The following SCAF11 variants were observed in gnomAD, a reference collection of about 807,000 sequenced individuals.
SCAF11 encodes SR-related CTD associated factor 11, also known as protein SCAF11.
SCAF11 carries 47 observed loss-of-function variants against 140.5 expected under a neutral mutation model. The observed-to-expected ratio is 0.33, with a 90% CI of 0.26 to 0.43. SCAF11 has a LOEUF of 0.43. Among genes scored for constraint, SCAF11 ranks in the 20% least tolerant of loss-of-function variants. The pLI, the probability that SCAF11 is intolerant of heterozygous loss-of-function variation, is 1.00. For missense variants in SCAF11, 1,645 were observed against 1,705.1 expected, an observed-to-expected ratio of 0.96 and a Z score of 0.62; for synonymous variants, 557 against 579.4, an observed-to-expected ratio of 0.96 and a Z score of 0.55.
At chr12:45,939,483 G>C (rs1434416940) in intron 6 of SCAF11, among the ~76,000 whole-genome samples, 1 of 152,178 alleles carries the variant, frequency 6.6e-6, no homozygotes, top group Non-Finnish European at 1.5e-5. Flanking sequence ...ATCATCTGAG[G>C]TCAGGAGTTT....
At chr12:45,952,913 C>G (rs535574280) in intron 3 of SCAF11, among the ~76,000 whole-genome samples, 18 of 152,256 alleles carry the variant, frequency 1.2e-4, no homozygotes, top group African/African-American at 4.3e-4. Flanking sequence ...CTGGGTTTTA[C>G]CACGTATCAA....
intron 10 of SCAF11, 115 bp from the exon 11 acceptor site, chr12:45,928,974 T>C: frequency 1.9e-6 from 1 of 522,064 alleles, no homozygotes; most frequent in Non-Finnish European, 3.1e-6. Context: ...TAAATACTTA[T>C]AAATAAAACT....
At chr12:45,970,307 C>T (rs949465458) in intron 1 of SCAF11, among the ~76,000 whole-genome samples, 2 of 152,236 alleles carry the variant, frequency 1.3e-5, no homozygotes, top group Non-Finnish European at 2.9e-5. Flanking sequence ...GCCGGGATTA[C>T]AAGCATGTGC....
intron 10 of SCAF11, 132 bp downstream of exon 10, chr12:45,931,374 T>A (rs1423874782): frequency 4.4e-6 from 2 of 458,898 alleles, no homozygotes; most frequent in Admixed American, 8.7e-5. Flanking sequence ...GTCCAAATAT[T>A]TATAGACGTA....
At chr12:45,972,897 T>TATAGATATATATATAGATATATAG (rs1203114002) in intron 1 of SCAF11, among the ~76,000 whole-genome samples, 1 of 64,844 alleles carries the variant, frequency 1.5e-5, no homozygotes, top group African/African-American at 5.9e-5. Context: ...TATATAGATA[T>TATAGATATATATATAGATATATAG]ATATATATAT....
chr12:45,950,145 T>A (rs1945516244), intron 4 of SCAF11, among the ~76,000 whole-genome samples: 2 of 152,100 alleles, frequency 1.3e-5, no homozygotes, highest in Admixed American at 1.3e-4. Flanking sequence ...AACCATGGAA[T>A]GTGGAAGTCT....
chr12:45,949,668 T>C (rs1272699060), intron 4 of SCAF11, among the ~76,000 whole-genome samples: 4 of 152,076 alleles, frequency 2.6e-5, no homozygotes, highest in African/African-American at 9.7e-5. Flanking sequence ...CTGATCTTGG[T>C]GACTAGGGCT....
At chr12:45,970,240 C>T (rs1296855787) in intron 1 of SCAF11, among the ~76,000 whole-genome samples, 2 of 152,190 alleles carry the variant, frequency 1.3e-5, no homozygotes, top group African/African-American at 4.8e-5. Context: ...CTCTGTTGCC[C>T]AGGCTGGTCT....
intron 1 of SCAF11, among the ~76,000 whole-genome samples, chr12:45,978,700 C>A (rs1946288583): frequency 6.6e-6 from 1 of 152,104 alleles, no homozygotes; most frequent in Non-Finnish European, 1.5e-5. Flanking sequence ...AACAGGAAAA[C>A]TGTCAACTAT....
chr12:45,953,808 A>G, intron 3 of SCAF11: 1 of 671,078 alleles, frequency 1.5e-6, no homozygotes, highest in Non-Finnish European at 2.3e-6. Flanking sequence ...TATTTGTGAA[A>G]ATGAGAAAAA....
chr12:45,956,300 C>G lies in SCAF11; in HGVS notation c.220-4573G>C. The G allele has an allele frequency of 4.8e-6, 3 of 629,428 alleles. No individual in the cohort carries two copies. In the South Asian group the frequency reaches 5.6e-5, roughly 12 times the overall value. 39.0% of individuals were successfully genotyped at this position (629,428 alleles called of 1,614,324 possible). On this transcript the variant is annotated intron_variant, in intron 3 of 14. Transcript: ENST00000369367. Reference sequence around the variant, plus strand: ...TTGTGGGAATCTCGAACATCTATCTCTCTACTAACAAAATAGAGCATGTTA... The same window carrying G: ...TTGTGGGAATCTCGAACATCTATCTGTCTACTAACAAAATAGAGCATGTTA...
chr12:45,932,348 T>A (rs1364868338), intron 9 of SCAF11, among the ~76,000 whole-genome samples: 1 of 147,080 alleles, frequency 6.8e-6, no homozygotes, highest in Non-Finnish European at 1.5e-5. Flanking sequence ...GACTATCTGA[T>A]TCAATATAAG....
In SCAF11 at chr12:45,921,818, C is replaced by G. The variant is rs1944721123; in HGVS notation, c.*230G>C. 2.1e-6 allele frequency: 1 copy of G among 482,494 alleles called. No homozygotes were observed. The highest frequency in any genetic ancestry group is 3.7e-6 in the Non-Finnish European group (1 of 273,260). 29.9% of individuals were successfully genotyped at this position (482,494 alleles called of 1,614,324 possible). On this transcript the variant is annotated 3_prime_UTR_variant, in exon 15 of 15. Transcript: ENST00000369367. ...AGTAAAGATGCACATTCCTTTAAAC[C>G]CTTTACTTTCCCTTGAATTTTGTGG...
chr12:45,921,136 C>G lies in SCAF11; in HGVS notation c.*912G>C, dbSNP rs1944700624. 6.6e-6 allele frequency: 1 copy of G among 152,194 alleles called. No individual in the cohort carries two copies. The highest frequency in any genetic ancestry group is 1.9e-4 in the East Asian group (1 of 5,196). 9.4% of individuals were successfully genotyped at this position (152,194 alleles called of 1,614,324 possible). A position where few individuals can be genotyped will look rare whatever the true frequency, so the allele number is the denominator to read the frequency against. On this transcript the variant is annotated 3_prime_UTR_variant, in exon 15 of 15. Coordinates refer to ENST00000369367, the MANE Select transcript of SCAF11 (RefSeq NM_004719.3). ...TAGCTGGGATTACAGGCGCCCACCACCACGCCTGGCTAATTTTTGTATTTT... is the reference window on the plus strand; with the variant it reads ...TAGCTGGGATTACAGGCGCCCACCAGCACGCCTGGCTAATTTTTGTATTTT...
intron 14 of SCAF11, 95 bp downstream of exon 14, chr12:45,922,368 A>G (rs1304627781): frequency 6.6e-6 from 10 of 1,518,456 alleles, no homozygotes; most frequent in African/African-American, 2.8e-5. Flanking sequence ...AGTAGGAGCT[A>G]GCTTTTATTA....
intron 6 of SCAF11, 21 bp from the exon 7 acceptor site, chr12:45,934,526 A>C (rs758593226): frequency 8.6e-6 from 13 of 1,513,736 alleles, no homozygotes; most frequent in Admixed American, 2.3e-5. Context: ...ACATAAAAGG[A>C]CTTGGTTACC....
At chr12:45,958,855 A>G (rs1945760657) in intron 3 of SCAF11, among the ~76,000 whole-genome samples, 1 of 152,196 alleles carries the variant, frequency 6.6e-6, no homozygotes, top group Non-Finnish European at 1.5e-5. Flanking sequence ...AAAATTTTAG[A>G]GCTTGAAAAG....
chr12:45,936,373 C>G (rs1013439884), intron 6 of SCAF11, among the ~76,000 whole-genome samples: 1 of 151,948 alleles, frequency 6.6e-6, no homozygotes, highest in Non-Finnish European at 1.5e-5. Flanking sequence ...AACTCCTGAC[C>G]TCAGGTGATC....
At chr12:45,929,893 G>A (rs912936385) in intron 10 of SCAF11, 1 of 152,098 alleles carries the variant, frequency 6.6e-6, no homozygotes, top group Admixed American at 6.6e-5. Flanking sequence ...ACAACACAGG[G>A]ATTAGGAGCA....
Sources: allele counts gnomAD v4.1 joint callset (sites outside exome capture counted in the v4.1 genomes callset), GRCh38; gene constraint gnomAD v4.1.1; transcripts MANE v1.5; gene names NCBI Gene and HGNC (gene_info 2026-07-23, HGNC 2026-07-21).